The following KLF13 variants were observed in gnomAD, a reference collection of about 807,000 sequenced individuals.
KLF13 encodes the protein Krueppel-like factor 13.
In KLF13, 8 loss-of-function variants were observed where a neutral mutation model predicts 16.7. The observed-to-expected ratio is 0.48, with a 90% CI of 0.28 to 0.87. The LOEUF (loss-of-function observed/expected upper bound fraction) is 0.87, where lower values mean the gene tolerates loss of function less well. Among genes scored for constraint, KLF13 ranks in the 40% least tolerant of loss-of-function variants. KLF13 has a pLI of 0.10. For missense variants in KLF13, 447 were observed against 452.2 expected (o/e 0.99, Z 0.10); for synonymous variants, 245 against 208.4 (o/e 1.18, Z -1.51).
intron 1 of KLF13, among the ~76,000 whole-genome samples, chr15:31,352,541 G>T (rs1380815261): frequency 6.6e-6 from 1 of 152,212 alleles, no homozygotes; most frequent in African/African-American, 2.4e-5. Flanking sequence ...TGTATGTGGT[G>T]CCACTTGGTG....
chr15:31,403,332 G>A (rs1374339962), intron 2 of KLF13: 1 of 152,236 alleles, frequency 6.6e-6, no homozygotes, highest in African/African-American at 2.4e-5. Flanking sequence ...AGATGGGGGA[G>A]TAAAATCACA....
At chr15:31,420,191 CTGAGT>C (rs1265387094) in intron 1 of KLF13, 1 of 585,384 alleles carries the variant, frequency 1.7e-6, no homozygotes, top group African/African-American at 1.9e-5. Flanking sequence ...AAGAGCCGAG[CTGAGT>C]GGGGGTGCTG....
At chr15:31,384,171 G>T (rs1410762672) in intron 1 of KLF13, among the ~76,000 whole-genome samples, 1 of 152,194 alleles carries the variant, frequency 6.6e-6, no homozygotes, top group Non-Finnish European at 1.5e-5. Flanking sequence ...AGGTGAGGTG[G>T]CTCATGCCTG....
chr15:31,421,733 A>G (rs1264165594), intron 1 of KLF13, among the ~76,000 whole-genome samples: 3 of 152,178 alleles, frequency 2.0e-5, no homozygotes, highest in African/African-American at 7.2e-5. Context: ...AAGGGACAAA[A>G]TAACTGCAAA....
intron 1 of KLF13, among the ~76,000 whole-genome samples, chr15:31,356,558 T>C (rs2039303289): frequency 1.3e-5 from 2 of 152,176 alleles, no homozygotes; most frequent in Admixed American, 1.3e-4. Context: ...TCTCAAAAAA[T>C]AAGTGAGAAC....
intron 1 of KLF13, among the ~76,000 whole-genome samples, chr15:31,347,039 G>C (rs759944638): frequency 3.9e-5 from 6 of 152,196 alleles, no homozygotes; most frequent in Non-Finnish European, 1.5e-5. Context: ...CTGGGACAAG[G>C]TCAGGTCTGT....
At position 31,417,422 on chromosome 15, in the gene KLF13, G is replaced by A. The variant is rs566370397; in HGVS notation, n.118-17948G>A. 3.0e-3 allele frequency among the ~76,000 whole-genome samples: 463 copies of A among 152,000 alleles called. 2 individuals are homozygous for A. Among genetic ancestry groups the A allele is most frequent in the African/African-American group, 0.011 (439 of 41,464 alleles). ...AGGCATGAGAATTGCTTGAACCCGG[G>A]AGGCAGAGGTTGCAGTGAGCTGAGA... On this transcript the variant is annotated intron_variant and non_coding_transcript_variant, in intron 1 of 1. Coordinates refer to the KLF13 transcript ENST00000558225.
intron 1 of KLF13, among the ~76,000 whole-genome samples, chr15:31,351,304 G>A (rs7177739): frequency 1 from 152,228 of 152,384 alleles, 76,036 homozygotes; most frequent in Non-Finnish European, 1. Flanking sequence ...AAGTATCAAG[G>A]AAAATTAATG....
chr15:31,333,953 G>C (rs1032350202), intron 1 of KLF13, among the ~76,000 whole-genome samples: 2 of 87,848 alleles, frequency 2.3e-5, no homozygotes, highest in African/African-American at 5.6e-5. Flanking sequence ...ATCGCCTCAT[G>C]GGGGGGGGAG....
chr15:31,408,178 T>C (rs2040150592), downstream of KLF13, among the ~76,000 whole-genome samples: 2 of 152,208 alleles, frequency 1.3e-5, no homozygotes, highest in Admixed American at 1.3e-4. Context: ...AAAAGAATTC[T>C]GCAAGACAGC....
intron 1 of KLF13, among the ~76,000 whole-genome samples, chr15:31,358,633 G>C (rs1385044807): frequency 6.6e-6 from 1 of 152,158 alleles, no homozygotes; most frequent in Non-Finnish European, 1.5e-5. Context: ...ATGTATTTTA[G>C]ATACAAATTG....
At chr15:31,399,423 C>A (rs559790801) in intron 2 of KLF13, among the ~76,000 whole-genome samples, 1 of 152,328 alleles carries the variant, frequency 6.6e-6, no homozygotes, top group South Asian at 2.1e-4. Context: ...CCTCGGCCTC[C>A]CAAAGTGCTG....
chr15:31,343,866 C>G (rs2039069373), intron 1 of KLF13, among the ~76,000 whole-genome samples: 1 of 152,152 alleles, frequency 6.6e-6, no homozygotes, highest in Non-Finnish European at 1.5e-5. Context: ...GCTCCTTAGT[C>G]TTCCCTGGGA....
At chr15:31,359,228 A>G (rs1383536447) in intron 1 of KLF13, among the ~76,000 whole-genome samples, 1 of 152,182 alleles carries the variant, frequency 6.6e-6, no homozygotes, top group Non-Finnish European at 1.5e-5. Flanking sequence ...GAAGCTCCAG[A>G]GCCCTTGTCT....
chr15:31,428,578 G>A (rs939282104), intron 1 of KLF13, among the ~76,000 whole-genome samples: 3 of 151,986 alleles, frequency 2.0e-5, no homozygotes, highest in African/African-American at 2.4e-5. Context: ...AGTCCGAGGC[G>A]GGCAGATCAC....
intron 1 of KLF13, among the ~76,000 whole-genome samples, chr15:31,335,665 GA>G (rs1255307474): frequency 2.6e-5 from 4 of 152,152 alleles, no homozygotes; most frequent in African/African-American, 7.2e-5. Context: ...TTGCTAACCA[GA>G]AACTTGGCTG....
At chr15:31,327,881 G>A in intron 1 of KLF13, 92 bp downstream of exon 1, 1 of 1,180,284 alleles carries the variant, frequency 8.5e-7, no homozygotes, top group Non-Finnish European at 1.1e-6. Flanking sequence ...GGGGCGCGAG[G>A]TGGGGGCCGG....
At chr15:31,383,063 C>G (rs1336819766) in intron 1 of KLF13, among the ~76,000 whole-genome samples, 1 of 152,210 alleles carries the variant, frequency 6.6e-6, no homozygotes, top group Non-Finnish European at 1.5e-5. Context: ...ATCAAGATGG[C>G]CTGCATAATC....
At chr15:31,419,061 G>T (rs979094334) in intron 1 of KLF13, among the ~76,000 whole-genome samples, 1 of 152,190 alleles carries the variant, frequency 6.6e-6, no homozygotes, top group Non-Finnish European at 1.5e-5. Context: ...GCCTCAAGAT[G>T]CATACAATCA....
Sources: gnomAD v4.1 joint callset for allele counts (sites outside exome capture counted in the v4.1 genomes callset) on GRCh38, gnomAD v4.1.1 for gene constraint, MANE v1.5 for transcripts, NCBI Gene and HGNC (gene_info 2026-07-23, HGNC 2026-07-21) for gene names.